The following DDX55 variants were observed in gnomAD, a reference collection of about 807,000 sequenced individuals.
DDX55 encodes the protein DEAD-box helicase 55.
In DDX55, 56 loss-of-function variants were observed where a neutral mutation model predicts 69.2. That is an observed-to-expected ratio of 0.81 (90% confidence interval 0.65 to 1.01). The LOEUF is 1.01. DDX55 is among the 50% of genes least tolerant of loss of function. The probability of loss-of-function intolerance (pLI) is 0.00; values close to 1 mark genes in which losing one functional copy is unlikely to be tolerated. For synonymous variants in DDX55, 268 were observed against 273.1 expected (o/e 0.98, Z 0.18); for missense variants, 720 against 745.1 (o/e 0.97, Z 0.39).
At chr12:123,610,644 C>T (rs1222611837) in intron 7 of DDX55, among the ~76,000 whole-genome samples, 2 of 125,142 alleles carry the variant, frequency 1.6e-5, no homozygotes, top group Non-Finnish European at 3.2e-5. Context: ...CAGAGTCTGG[C>T]TCTGTCGCCC....
At chr12:123,603,806 G>GT (rs1000709488) in intron 1 of DDX55, among the ~76,000 whole-genome samples, 4 of 151,408 alleles carry the variant, frequency 2.6e-5, no homozygotes, top group African/African-American at 9.7e-5. Flanking sequence ...TTGTTTGTTT[G>GT]TTTTTAACTT....
rs142573698 is a variant in DDX55, at chr12:123,617,809, C to T, written c.1101C>T (p.Ser367=). The T allele has an allele frequency of 0.012, 19,100 of 1,613,958 alleles. 159 individuals are homozygous for T. Among genetic ancestry groups the T allele is most frequent in the Non-Finnish European group, 0.014 (15,933 of 1,179,976 alleles). The change falls in exon 11 of 14, where the codon AGC becomes AGT. Residue 367 remains serine (S), a synonymous_variant. Coordinates refer to ENST00000238146, the MANE Select transcript of DDX55 (RefSeq NM_020936.3). ...GRTARIGHGG[S]ALVFLLPMEE... Reference sequence around the variant, plus strand: ...CAGCTCGCATTGGCCACGGGGGCAGCGCTCTGGTGTTCCTCCTGCCCATGG... The same window carrying T: ...CAGCTCGCATTGGCCACGGGGGCAGTGCTCTGGTGTTCCTCCTGCCCATGG...
In DDX55 at chr12:123,619,709, A is replaced by G. The variant is rs1955004194; in HGVS notation, c.1611A>G (p.Lys537=). The G allele has an allele frequency of 6.4e-7, 1 of 1,574,592 alleles. No homozygotes were observed. The highest frequency in any genetic ancestry group is 1.2e-5 in the South Asian group (1 of 83,490). ...KKEKKKKMNE[K]RKREEGSDIE... is the part of the protein sequence containing the mutation. ...AAAAGAAGAAAAAAATGAATGAGAA[A>G]AGGAAAAGGGAAGAGGTAAAGTTTA... is the stretch of plus-strand genomic sequence containing the variant. Residue 537 remains lysine, a synonymous_variant, in exon 13 of 14, where the codon AAA becomes AAG. Coordinates refer to ENST00000238146, the MANE Select transcript of DDX55 (RefSeq NM_020936.3).
intron 7 of DDX55, among the ~76,000 whole-genome samples, chr12:123,612,764 C>T (rs1313803712): frequency 2.0e-5 from 3 of 150,090 alleles, no homozygotes; most frequent in African/African-American, 2.5e-5. Context: ...GGAGGATCGC[C>T]GGATGCCAGG....
chr12:123,606,523 T>C (rs1953900814), intron 3 of DDX55, among the ~76,000 whole-genome samples: 2 of 152,176 alleles, frequency 1.3e-5, no homozygotes, highest in South Asian at 4.1e-4. Context: ...TGCCTTTGTT[T>C]TCACTGCTCA....
chr12:123,615,810 C>T (rs1444616317), intron 9 of DDX55, among the ~76,000 whole-genome samples: 2 of 152,186 alleles, frequency 1.3e-5, no homozygotes, highest in African/African-American at 4.8e-5. Context: ...TGGTGAAACC[C>T]TGTCTCTACT....
At chr12:123,602,368 C>T in intron 1 of DDX55, 112 bp downstream of exon 1, 2 of 1,002,772 alleles carry the variant, frequency 2.0e-6, no homozygotes, top group Non-Finnish European at 2.8e-6. Flanking sequence ...CTCATCCCTC[C>T]AGCTGGGGCT....
Position 123,602,271 on chromosome 12 carries a change from G to T in DDX55, c.108+15G>T. The T allele has an allele frequency of 6.5e-7, 1 of 1,541,500 alleles. No homozygotes were observed. Among genetic ancestry groups the T allele is most frequent in the Non-Finnish European group, 8.7e-7 (1 of 1,145,754 alleles). Reference sequence around the variant, plus strand: ...CGCCGGTGCAGGTATCGGTTCCCTGGCGTGGGGGAGTGAGGCTGGGAGAGG... The same window carrying T: ...CGCCGGTGCAGGTATCGGTTCCCTGTCGTGGGGGAGTGAGGCTGGGAGAGG... On this transcript the variant is annotated intron_variant, in intron 1 of 13. Coordinates refer to ENST00000238146, the MANE Select transcript of DDX55 (RefSeq NM_020936.3).
At chr12:123,619,358 AATTAT>A in intron 12 of DDX55, 69 bp from the exon 13 acceptor site, 2 of 1,520,306 alleles carry the variant, frequency 1.3e-6, no homozygotes, top group East Asian at 2.3e-5. Context: ...GTTAGAAAAA[AATTAT>A]ATTGTAAGCC....
chr12:123,602,401 A>C lies in DDX55; in HGVS notation c.108+145A>C, dbSNP rs1207658143. 4 of 817,268 alleles carry C rather than the reference A, an allele frequency of 4.9e-6. No individual in the cohort carries two copies. In the African/African-American group the frequency reaches 7.2e-5, roughly 15 times the overall value. 50.6% of individuals were successfully genotyped at this position (817,268 alleles called of 1,614,324 possible). On this transcript the variant is annotated intron_variant, in intron 1 of 13. Transcript: ENST00000238146. ...GCTCTTGCCTTGTCTCCAGCTGCCC[A>C]GACTGGCGGAATGCGGAGCTGCCCG... is the stretch of plus-strand genomic sequence containing the variant.
At chr12:123,609,135 G>T (rs570253425) in intron 6 of DDX55, among the ~76,000 whole-genome samples, 12 of 151,450 alleles carry the variant, frequency 7.9e-5, no homozygotes, top group African/African-American at 2.7e-4. Flanking sequence ...TTTATTTTTT[G>T]CAGATGAGGT....
chr12:123,617,668 C>T (rs954376484), intron 10 of DDX55, 90 bp from the exon 11 acceptor site: 17 of 1,177,896 alleles, frequency 1.4e-5, no homozygotes, highest in East Asian at 2.5e-5. Context: ...CTCCCCAGAG[C>T]GTTTTAGCTG....
At position 123,613,235 on chromosome 12, in the gene DDX55, A is replaced by G; in HGVS notation, c.807A>G (p.Lys269=). The G allele has an allele frequency of 1.9e-6, 3 of 1,613,796 alleles. No homozygotes were observed. Among genetic ancestry groups the G allele is most frequent in the South Asian group, 1.1e-5 (1 of 91,030 alleles). The change falls in exon 8 of 14, where the codon AAA becomes AAG. Residue 269 remains lysine (K), a synonymous_variant. Coordinates refer to ENST00000238146, the MANE Select transcript of DDX55 (RefSeq NM_020936.3). Reference sequence around the variant, plus strand: ...TTCTTCGCAATCATAAGCAGGAGAAACACCTGGTCTTCTTCAGGTACTCCT... The same window carrying G: ...TTCTTCGCAATCATAAGCAGGAGAAGCACCTGGTCTTCTTCAGGTACTCCT... The part of the protein sequence containing the change: ...VHFLRNHKQE[K]HLVFFSTCAC...
rs1394768765 is a variant in DDX55, at chr12:123,616,469, T to C, written c.957-42T>C. On this transcript the variant is annotated intron_variant, in intron 9 of 13. Coordinates refer to ENST00000238146, the MANE Select transcript of DDX55 (RefSeq NM_020936.3). Reference sequence around the variant, plus strand: ...GTAGGCTGTTTGATGGTGATGAAGATGGTGGCCTCCTTACTCAGAATGCTT... The same window carrying C: ...GTAGGCTGTTTGATGGTGATGAAGACGGTGGCCTCCTTACTCAGAATGCTT... The C allele has an allele frequency of 2.5e-6, 4 of 1,580,854 alleles. No homozygotes were observed. The South Asian group carries it at 3.3e-5, about 13-fold the overall frequency.
rs534235515 is a variant in DDX55, at chr12:123,620,247, G to C, written c.*107G>C. Reference sequence around the variant, plus strand: ...CACAACTTCAGGAGACATCTGAAAAGAATGATGTCTCTGAAAGCTGTCCTT... The same window carrying C: ...CACAACTTCAGGAGACATCTGAAAACAATGATGTCTCTGAAAGCTGTCCTT... On this transcript the variant is annotated 3_prime_UTR_variant, in exon 14 of 14. Coordinates refer to ENST00000238146, the MANE Select transcript of DDX55 (RefSeq NM_020936.3). 59 of 1,072,744 alleles carry C rather than the reference G, an allele frequency of 5.5e-5. No individual in the cohort carries two copies. In the African/African-American group the frequency reaches 8.8e-4, roughly 16 times the overall value. 66.5% of individuals were successfully genotyped at this position (1,072,744 alleles called of 1,614,324 possible). A position where few individuals can be genotyped will look rare whatever the true frequency, so the allele number is the denominator to read the frequency against.
intron 7 of DDX55, among the ~76,000 whole-genome samples, chr12:123,610,557 C>T (rs1463990528): frequency 6.6e-6 from 1 of 150,744 alleles, no homozygotes; most frequent in Non-Finnish European, 1.5e-5. Context: ...AAATGTTCTG[C>T]TCCGTAAATG....
chr12:123,616,818 G>A, intron 10 of DDX55: 1 of 540,444 alleles, frequency 1.9e-6, no homozygotes, highest in African/African-American at 1.9e-5. Context: ...TGTAGAGCAA[G>A]GTTATAGAAA....
chr12:123,619,309 ATTT>A (rs1340527146), intron 12 of DDX55, 120 bp from the exon 13 acceptor site: 4 of 1,435,882 alleles, frequency 2.8e-6, no homozygotes, highest in Non-Finnish European at 3.7e-6. Flanking sequence ...GGCCTCAATT[ATTT>A]TCATTCTAAC....
chr12:123,605,918 T>C lies in DDX55; in HGVS notation c.109-13T>C, dbSNP rs781497756. The C allele has an allele frequency of 6.2e-7, 1 of 1,613,452 alleles. No individual in the cohort carries two copies. Among genetic ancestry groups the C allele is most frequent in the Non-Finnish European group, 8.5e-7 (1 of 1,179,454 alleles). On this transcript the variant is annotated splice_polypyrimidine_tract_variant and intron_variant, in intron 1 of 13. Transcript: ENST00000238146. ...GCATCCTTTAACCAGTGCTTTGCAATCTCTCTCTTTAGTCCGCAACCATCC... is the reference window on the plus strand; with the variant it reads ...GCATCCTTTAACCAGTGCTTTGCAACCTCTCTCTTTAGTCCGCAACCATCC...
Sources: gnomAD v4.1 joint callset for allele counts (sites outside exome capture counted in the v4.1 genomes callset) on GRCh38, gnomAD v4.1.1 for gene constraint, MANE v1.5 for transcripts, NCBI Gene and HGNC (gene_info 2026-07-23, HGNC 2026-07-21) for gene names.